Variants in SNX24 observed in about 807,000 individuals in gnomAD.
SNX24 encodes the protein sorting nexin 24.
A neutral mutation model predicts 28.7 loss-of-function variants in SNX24; 22 were observed. The observed-to-expected ratio is 0.77, with a 90% CI of 0.55 to 1.10. The LOEUF (loss-of-function observed/expected upper bound fraction) is 1.10, where lower values mean the gene tolerates loss of function less well. SNX24 is among the 50% of genes least tolerant of loss of function. SNX24 has a pLI of 0.00. For synonymous variants in SNX24, 69 were observed against 71.5 expected (o/e 0.96, Z 0.18); for missense variants, 221 against 201.1 (o/e 1.10, Z -0.60).
At chr5:123,006,738 C>T (rs1365910588) in intron 6 of SNX24, among the ~76,000 whole-genome samples, 1 of 152,180 alleles carries the variant, frequency 6.6e-6, no homozygotes, top group Non-Finnish European at 1.5e-5. Flanking sequence ...CTCCCTCTGG[C>T]CACAGACTTG....
At chr5:122,997,826 C>G (rs1015139195) in intron 3 of SNX24, among the ~76,000 whole-genome samples, 1 of 152,026 alleles carries the variant, frequency 6.6e-6, no homozygotes, top group African/African-American at 2.4e-5. Flanking sequence ...AAAGCAACCA[C>G]TTGTACAGAT....
chr5:122,956,882 T>G (rs1001987571), intron 3 of SNX24, among the ~76,000 whole-genome samples: 3 of 151,112 alleles, frequency 2.0e-5, no homozygotes, highest in East Asian at 1.9e-4. Flanking sequence ...AATTGGGTGG[T>G]TTTTTTTTCA....
intron 3 of SNX24, among the ~76,000 whole-genome samples, chr5:122,950,258 T>C (rs1028515895): frequency 2.6e-5 from 4 of 152,220 alleles, no homozygotes; most frequent in Non-Finnish European, 5.9e-5. Context: ...TGGAGGATGT[T>C]TTAACTTGAA....
chr5:123,011,008 C>T (rs1762564965), downstream of SNX24, among the ~76,000 whole-genome samples: 1 of 152,106 alleles, frequency 6.6e-6, no homozygotes, highest in African/African-American at 2.4e-5. Flanking sequence ...CTAGGCATGC[C>T]TGGCCCATAT....
intron 3 of SNX24, among the ~76,000 whole-genome samples, chr5:122,970,803 GT>G (rs1390678961): frequency 2.0e-5 from 3 of 152,128 alleles, no homozygotes; most frequent in Non-Finnish European, 4.4e-5. Flanking sequence ...AGCCACACTA[GT>G]TTACTAACTA....
At chr5:122,997,978 C>T (rs1443459876) in intron 3 of SNX24, among the ~76,000 whole-genome samples, 1 of 151,944 alleles carries the variant, frequency 6.6e-6, no homozygotes, top group Non-Finnish European at 1.5e-5. Context: ...GCCAAAATAC[C>T]TCGGAGTTTT....
intron 1 of SNX24, among the ~76,000 whole-genome samples, chr5:122,934,128 A>C (rs143437554): frequency 2.6e-5 from 4 of 152,086 alleles, no homozygotes; most frequent in Non-Finnish European, 5.9e-5. Context: ...GCAGGCCCTC[A>C]GTAAATATCT....
intron 1 of SNX24, among the ~76,000 whole-genome samples, chr5:122,870,946 C>T (rs945706856): frequency 4.6e-5 from 7 of 152,314 alleles, no homozygotes; most frequent in African/African-American, 1.7e-4. Flanking sequence ...TTGCTGCACA[C>T]TAGCATCACC....
At chr5:123,015,497 G>A (rs1762664102) in intron 5 of SNX24, among the ~76,000 whole-genome samples, 1 of 152,104 alleles carries the variant, frequency 6.6e-6, no homozygotes, top group South Asian at 2.1e-4. Flanking sequence ...AGCTAATTCA[G>A]TGTTTATAAA....
intron 1 of SNX24, among the ~76,000 whole-genome samples, chr5:122,856,044 C>T (rs779861362): frequency 1.4e-4 from 21 of 152,106 alleles, no homozygotes; most frequent in Non-Finnish European, 2.5e-4. Context: ...AGGAGTTTGG[C>T]GTACAGATTA....
chr5:122,931,671 C>T (rs1248334911), intron 1 of SNX24, among the ~76,000 whole-genome samples: 1 of 151,994 alleles, frequency 6.6e-6, no homozygotes, highest in Non-Finnish European at 1.5e-5. Flanking sequence ...AGTTGTCCTT[C>T]ATGTATATTT....
Position 122,947,015 on chromosome 5 carries a change from C to T in SNX24, c.249+856C>T, listed in dbSNP as rs150769448. 3.9e-3 allele frequency among the ~76,000 whole-genome samples: 597 copies of T among 152,256 alleles called. 5 individuals are homozygous for T. The highest frequency in any genetic ancestry group is 0.014 in the African/African-American group (572 of 41,534). On this transcript the variant is annotated intron_variant, in intron 3 of 6. Coordinates refer to ENST00000261369, the MANE Select transcript of SNX24 (RefSeq NM_014035.4). ...CCAGTAGTATGGTCCCTCCCTGGCA[C>T]CACTGGAGAAGCGACACATGAGAAT...
chr5:122,891,202 G>A (rs1756953020), intron 1 of SNX24: 2 of 1,291,992 alleles, frequency 1.5e-6, no homozygotes, highest in Non-Finnish European at 2.0e-6. Flanking sequence ...TATTTTTCTG[G>A]TTGAAATGGT....
intron 1 of SNX24, among the ~76,000 whole-genome samples, chr5:122,887,389 A>G (rs1756765463): frequency 6.6e-6 from 1 of 152,192 alleles, no homozygotes; most frequent in Non-Finnish European, 1.5e-5. Flanking sequence ...CTGCATTTTC[A>G]GCAGCAGTAT....
At chr5:122,943,060 T>G (rs1238573641) in intron 2 of SNX24, among the ~76,000 whole-genome samples, 4 of 152,182 alleles carry the variant, frequency 2.6e-5, no homozygotes, top group Non-Finnish European at 5.9e-5. Context: ...AAACTTAAGC[T>G]TATTACCACA....
chr5:122,990,602 A>G (rs1761800267), intron 3 of SNX24, among the ~76,000 whole-genome samples: 1 of 152,224 alleles, frequency 6.6e-6, no homozygotes, highest in Admixed American at 6.5e-5. Flanking sequence ...ACATCAATTC[A>G]TCAACACATA....
intron 2 of SNX24, among the ~76,000 whole-genome samples, chr5:122,941,667 T>G (rs30038): frequency 0.77 from 117,072 of 152,168 alleles, 45,916 homozygotes; most frequent in East Asian, 0.99. Context: ...GTCCTGTCTT[T>G]CATATCTTTC....
At chr5:122,996,579 TACA>T (rs1327397818) in intron 3 of SNX24, among the ~76,000 whole-genome samples, 2 of 152,214 alleles carry the variant, frequency 1.3e-5, no homozygotes, top group South Asian at 2.1e-4. Context: ...TGGAAATTAA[TACA>T]ACAACAATAC....
intron 1 of SNX24, among the ~76,000 whole-genome samples, chr5:122,853,470 A>G (rs572254685): frequency 6.6e-6 from 1 of 152,314 alleles, no homozygotes; most frequent in South Asian, 2.1e-4. Context: ...GTTTGAAAAC[A>G]TTCTTCTTGA....
Sources: gnomAD v4.1 joint callset for allele counts (sites outside exome capture counted in the v4.1 genomes callset) on GRCh38, gnomAD v4.1.1 for gene constraint, MANE v1.5 for transcripts, NCBI Gene and HGNC (gene_info 2026-07-23, HGNC 2026-07-21) for gene names.